The following DBT variants were observed in gnomAD, a reference collection of about 807,000 sequenced individuals.
The protein encoded by DBT is dihydrolipoamide branched chain transacylase E2.
DBT carries 40 observed loss-of-function variants against 51.3 expected under a neutral mutation model. That is an observed-to-expected ratio of 0.78 (90% CI 0.61 to 1.02). DBT has a LOEUF of 1.02. DBT is among the 50% of genes least tolerant of loss of function. DBT has a pLI of 0.00. For synonymous variants in DBT, 181 were observed against 190.4 expected (o/e 0.95, Z 0.41); for missense variants, 510 against 580.2 (o/e 0.88, Z 1.24).
intron 1 of DBT, among the ~76,000 whole-genome samples, chr1:100,243,265 A>G (rs563102225): frequency 6.6e-6 from 1 of 151,100 alleles, no homozygotes; most frequent in East Asian, 1.9e-4. Context: ...GTCTCCAAAA[A>G]AAAAAAAAAA....
intron 4 of DBT, among the ~76,000 whole-genome samples, chr1:100,229,482 T>C (rs1663410552): frequency 1.3e-5 from 2 of 152,146 alleles, no homozygotes; most frequent in African/African-American, 4.8e-5. Flanking sequence ...ACCTTTCTAG[T>C]TGGGTTTAGT....
intron 4 of DBT, among the ~76,000 whole-genome samples, chr1:100,219,349 C>CA (rs900120787): frequency 2.5e-4 from 35 of 138,724 alleles, no homozygotes; most frequent in East Asian, 4.1e-4. Flanking sequence ...GACCCTGTCT[C>CA]AAAAAAAAAA....
Position 100,196,240 on chromosome 1 carries a change from A to T in DBT, c.*15T>A, listed in dbSNP as rs1309284353. The stretch of plus-strand genomic sequence containing the variant: ...CTTTGGAAGCTCAAAAAGTTCAAGA[A>T]TGTCTTATCAGTCTTCATTTCAGAT... On this transcript the variant is annotated 3_prime_UTR_variant, in exon 11 of 11. Transcript: ENST00000370132. The T allele has an allele frequency of 1.2e-6, 2 of 1,612,370 alleles. No individual in the cohort carries two copies. Among genetic ancestry groups the T allele is most frequent in the East Asian group, 4.5e-5 (2 of 44,860 alleles).
chr1:100,223,116 C>T (rs917369750), intron 4 of DBT, among the ~76,000 whole-genome samples: 1 of 152,130 alleles, frequency 6.6e-6, no homozygotes, highest in African/African-American at 2.4e-5. Flanking sequence ...ATGTTCATAA[C>T]ATGTCTTTGC....
intron 1 of DBT, among the ~76,000 whole-genome samples, chr1:100,241,366 TTGTGTGTGTGTGTGTGTGTGTGTGTG>T (rs58256713): frequency 6.9e-6 from 1 of 144,012 alleles, no homozygotes; most frequent in African/African-American, 2.6e-5. Context: ...CTGAAAGGTA[TTGTGTGTGTGTGTGTGTGTGTGTGTG>T]TGTGTGTGTG....
Position 100,230,353 on chromosome 1 carries a change from C to T in DBT, c.433+380G>A, listed in dbSNP as rs893325083. On this transcript the variant is annotated intron_variant, in intron 4 of 10. Transcript: ENST00000370132. ...AAGTTATTAAAAGCCCATCCCCACC[C>T]GTTCTTACCCCTCCAAAAGGAATAA... 5.9e-5 allele frequency among the ~76,000 whole-genome samples: 9 copies of T among 152,174 alleles called. No homozygotes were observed. The East Asian group carries it at 1.5e-3, about 26-fold the overall frequency.
At chr1:100,218,509 C>G in intron 5 of DBT, 117 bp downstream of exon 5, 1 of 1,181,084 alleles carries the variant, frequency 8.5e-7, no homozygotes, top group Non-Finnish European at 1.2e-6. Flanking sequence ...TAGCAAATAT[C>G]TTCATGTTTC....
chr1:100,189,755 C>T lies in DBT; in HGVS notation c.*6500G>A, dbSNP rs1660726770. The T allele has an allele frequency of 6.6e-6, 1 of 152,166 alleles. No individual in the cohort carries two copies. The highest frequency in any genetic ancestry group is 2.1e-4 in the South Asian group (1 of 4,830). 9.4% of individuals were successfully genotyped at this position (152,166 alleles called of 1,614,324 possible). ...CATTCTGAGTCTTCTTTTAGGCAAA[C>T]TGAAATTTGCCATTAGAGAAGGGAG... On this transcript the variant is annotated 3_prime_UTR_variant, in exon 11 of 11. Coordinates refer to ENST00000370132, the MANE Select transcript of DBT (RefSeq NM_001918.5).
intron 10 of DBT, among the ~76,000 whole-genome samples, chr1:100,198,439 A>C (rs181028252): frequency 1.3e-5 from 2 of 152,360 alleles, no homozygotes; most frequent in Admixed American, 1.3e-4. Flanking sequence ...ATGTAAATGT[A>C]CTTAATGCCA....
chr1:100,215,468 G>A (rs1255387668), intron 6 of DBT, among the ~76,000 whole-genome samples: 1 of 152,166 alleles, frequency 6.6e-6, no homozygotes, highest in Non-Finnish European at 1.5e-5. Context: ...TTACTCTTCA[G>A]AAGATAATGA....
rs1660883854 is a variant in DBT, at chr1:100,193,115, T to A, written c.*3140A>T. On this transcript the variant is annotated 3_prime_UTR_variant, in exon 11 of 11. Transcript: ENST00000370132. Reference sequence around the variant, plus strand: ...AATCCTTTGCTGAATTCTCAATGCATGAGACCAAAGAGAAGATAGTAATAC... The same window carrying A: ...AATCCTTTGCTGAATTCTCAATGCAAGAGACCAAAGAGAAGATAGTAATAC... 1 of 152,172 alleles carries A rather than the reference T, an allele frequency of 6.6e-6. No individual in the cohort carries two copies. The highest frequency in any genetic ancestry group is 1.5e-5 in the Non-Finnish European group (1 of 68,056). The allele number at this position is 152,172 out of a possible 1,614,324, so 9.4% of individuals were successfully genotyped here. A position where few individuals can be genotyped will look rare whatever the true frequency, so the allele number is the denominator to read the frequency against.
chr1:100,210,443 C>T (rs935654605), intron 8 of DBT: 2 of 361,416 alleles, frequency 5.5e-6, no homozygotes, highest in African/African-American at 4.2e-5. Flanking sequence ...ATCTGCCATA[C>T]AGCTATGTAT....
intron 4 of DBT, among the ~76,000 whole-genome samples, chr1:100,229,044 T>C (rs987303018): frequency 2.0e-5 from 3 of 152,226 alleles, no homozygotes; most frequent in African/African-American, 7.2e-5. Flanking sequence ...AAGCCTTCAA[T>C]AAATCACCTT....
At chr1:100,213,391 C>T (rs1277437043) in intron 7 of DBT, 6 of 1,560,294 alleles carry the variant, frequency 3.8e-6, no homozygotes, top group Non-Finnish European at 5.2e-6. Context: ...ACGGCGCCAT[C>T]CCCGCCGCGC....
At chr1:100,216,844 C>T (rs576916634) in intron 5 of DBT, among the ~76,000 whole-genome samples, 2 of 152,212 alleles carry the variant, frequency 1.3e-5, no homozygotes, top group East Asian at 3.9e-4. Context: ...ACATTTAATT[C>T]TATTTAAATA....
chr1:100,238,663 CTT>C (rs1426691464), intron 2 of DBT, among the ~76,000 whole-genome samples: 1 of 151,872 alleles, frequency 6.6e-6, no homozygotes, highest in Non-Finnish European at 1.5e-5. Flanking sequence ...GCTCAGCTGA[CTT>C]TTTAAAATTT....
At chr1:100,211,084 T>C in intron 7 of DBT, 1 of 778,694 alleles carries the variant, frequency 1.3e-6, no homozygotes, top group East Asian at 2.4e-5. Flanking sequence ...GGTGATTTCC[T>C]CACTGACATG....
At chr1:100,218,598 C>T (rs1484329760) in intron 5 of DBT, 28 bp downstream of exon 5, 1 of 1,612,912 alleles carries the variant, frequency 6.2e-7, no homozygotes, top group East Asian at 2.2e-5. Flanking sequence ...CCTATACAAT[C>T]TCAGACTTAA....
At chr1:100,212,439 G>A (rs1169133451) in intron 7 of DBT, among the ~76,000 whole-genome samples, 1 of 152,010 alleles carries the variant, frequency 6.6e-6, no homozygotes, top group Non-Finnish European at 1.5e-5. Flanking sequence ...TCGGGAGGCT[G>A]AGGCAGAGGA....
Sources: allele counts gnomAD v4.1 joint callset (sites outside exome capture counted in the v4.1 genomes callset), GRCh38; gene constraint gnomAD v4.1.1; transcripts MANE v1.5; gene names NCBI Gene and HGNC (gene_info 2026-07-23, HGNC 2026-07-21).